The following DPYD variants were observed in gnomAD, a reference collection of about 807,000 sequenced individuals.
The protein encoded by DPYD is dihydropyrimidine dehydrogenase.
Under a neutral mutation model 116.2 loss-of-function variants are expected in DPYD, and 109 were observed. That is an observed-to-expected ratio of 0.94 (90% CI 0.80 to 1.10). The LOEUF (loss-of-function observed/expected upper bound fraction) is 1.10. Among genes scored for constraint, DPYD ranks in the 50% least tolerant of loss-of-function variants. The pLI, the probability that DPYD is intolerant of heterozygous loss-of-function variation, is 0.00. For missense variants in DPYD, 1,302 were observed against 1,254.5 expected (o/e 1.04, Z -0.57); for synonymous variants, 440 against 432.0 (o/e 1.02, Z -0.23).
chr1:97,609,056 T>C (rs1017140931), intron 8 of DPYD, among the ~76,000 whole-genome samples: 1 of 152,040 alleles, frequency 6.6e-6, no homozygotes, highest in African/African-American at 2.4e-5. Context: ...TGTAAAATAA[T>C]GAATTACATT....
chr1:97,546,383 A>T (rs1349237586), intron 12 of DPYD: 66 of 1,463,368 alleles, frequency 4.5e-5, no homozygotes, highest in Admixed American at 1.3e-4. Flanking sequence ...GATGAAGAAG[A>T]AGTTTCAGAT....
intron 5 of DPYD, among the ~76,000 whole-genome samples, chr1:97,717,760 G>C (rs1662693088): frequency 6.6e-6 from 1 of 151,812 alleles, no homozygotes; most frequent in Admixed American, 6.6e-5. Flanking sequence ...CTACATTGCA[G>C]CGAATGCCAT....
chr1:97,550,568 A>G (rs1200913655), intron 11 of DPYD, among the ~76,000 whole-genome samples: 1 of 152,198 alleles, frequency 6.6e-6, no homozygotes, highest in Non-Finnish European at 1.5e-5. Flanking sequence ...AAGAGAAGAA[A>G]TGAAGAAAGG....
chr1:97,743,435 C>T (rs1181275589), intron 3 of DPYD, among the ~76,000 whole-genome samples: 1 of 152,100 alleles, frequency 6.6e-6, no homozygotes, highest in Admixed American at 6.6e-5. Context: ...ATATCAACCA[C>T]TGCACTGGAA....
At chr1:97,489,433 C>T (rs1678845526) in intron 13 of DPYD, among the ~76,000 whole-genome samples, 1 of 152,154 alleles carries the variant, frequency 6.6e-6, no homozygotes, top group African/African-American at 2.4e-5. Flanking sequence ...ATAAAACTGT[C>T]TAGACCTAAA....
Position 97,820,152 on chromosome 1 carries a change from T to G in DPYD, c.233+7962A>C, listed in dbSNP as rs533691480. ...TTATATTTAGCAACAGATGCAATATTAACATAACCCAAATCATAAACAGCT... is the reference window on the plus strand; with the variant it reads ...TTATATTTAGCAACAGATGCAATATGAACATAACCCAAATCATAAACAGCT... On this transcript the variant is annotated intron_variant, in intron 3 of 22. Coordinates refer to ENST00000370192, the MANE Select transcript of DPYD (RefSeq NM_000110.4). Among the ~76,000 whole-genome samples, 3 of 152,218 alleles carry G rather than the reference T, an allele frequency of 2.0e-5. No individual in the cohort carries two copies. The South Asian group carries it at 6.2e-4, about 32-fold the overall frequency.
intron 13 of DPYD, 101 bp from the exon 14 acceptor site, chr1:97,450,324 T>C: frequency 7.6e-7 from 1 of 1,315,060 alleles, no homozygotes; most frequent in South Asian, 1.4e-5. Flanking sequence ...TGAGGTCCCT[T>C]CTCACATTTT....
intron 14 of DPYD, among the ~76,000 whole-genome samples, chr1:97,439,132 T>C (rs1425193669): frequency 6.6e-6 from 1 of 152,130 alleles, no homozygotes; most frequent in Non-Finnish European, 1.5e-5. Context: ...ATTGGGTTTA[T>C]TGAGATAATA....
At chr1:97,506,008 C>T (rs1430160309) in intron 13 of DPYD, among the ~76,000 whole-genome samples, 1 of 151,938 alleles carries the variant, frequency 6.6e-6, no homozygotes, top group East Asian at 1.9e-4. Flanking sequence ...TTAACTAACA[C>T]ACCAGTAACT....
intron 11 of DPYD, among the ~76,000 whole-genome samples, chr1:97,551,181 T>C (rs1437175677): frequency 1.3e-5 from 2 of 152,194 alleles, no homozygotes; most frequent in South Asian, 4.1e-4. Flanking sequence ...TTTCTATTTG[T>C]TTTTTCGTCT....
At chr1:97,697,580 T>C (rs1055382092) in intron 6 of DPYD, among the ~76,000 whole-genome samples, 1 of 152,012 alleles carries the variant, frequency 6.6e-6, no homozygotes, top group Non-Finnish European at 1.5e-5. Flanking sequence ...TATTTCATAT[T>C]GTCTCTACAT....
rs146131080 is a variant in DPYD, at chr1:97,669,423, C to A, written c.850+9672G>T. Among the ~76,000 whole-genome samples the A allele has an allele frequency of 4.5e-3, 678 of 152,010 alleles. 9 individuals carry two copies. Among genetic ancestry groups the A allele is most frequent in the African/African-American group, 0.015 (640 of 41,446 alleles). ...TTAAGAAATAGAAAAGTAATATAACCAAACTAGATTGTATTTGGGAAGGTG... is the reference window on the plus strand; with the variant it reads ...TTAAGAAATAGAAAAGTAATATAACAAAACTAGATTGTATTTGGGAAGGTG... On this transcript the variant is annotated intron_variant, in intron 8 of 22. Transcript: ENST00000370192.
intron 20 of DPYD, among the ~76,000 whole-genome samples, chr1:97,110,817 C>T (rs1651537534): frequency 6.6e-6 from 1 of 152,014 alleles, no homozygotes; most frequent in Admixed American, 6.6e-5. Context: ...TGTTTGTGCT[C>T]ATCTAACTTT....
chr1:97,442,251 C>G (rs1441226419), intron 14 of DPYD, among the ~76,000 whole-genome samples: 1 of 151,756 alleles, frequency 6.6e-6, no homozygotes, highest in Non-Finnish European at 1.5e-5. Flanking sequence ...TCAGTGACCA[C>G]TCTCCTTTAT....
Position 97,921,010 on chromosome 1 carries a change from A to T in DPYD, c.-88T>A, listed in dbSNP as rs531689464. ...CAGAGAGCCAAGTGACAGCAGCCGG[A>T]GCGCGAGTCGAAAACAGGCAGACTA... is the stretch of plus-strand genomic sequence containing the variant. On this transcript the variant is annotated 5_prime_UTR_variant, in exon 1 of 23. Coordinates refer to ENST00000370192, the MANE Select transcript of DPYD (RefSeq NM_000110.4). 6.6e-7 allele frequency: 1 copy of T among 1,518,836 alleles called. No individual in the cohort carries two copies. The highest frequency in any genetic ancestry group is 1.4e-5 in the African/African-American group (1 of 72,172). The allele number at this position is 1,518,836 out of a possible 1,614,324, so 94.1% of individuals were successfully genotyped here.
chr1:97,498,351 T>C (rs2786774), intron 13 of DPYD, among the ~76,000 whole-genome samples: 27,020 of 151,640 alleles, frequency 0.18, 2,554 homozygotes, highest in East Asian at 0.26. Context: ...ATGAAGTTGA[T>C]GGTTAAGAAC....
At chr1:97,911,370 C>G (rs1435706574) in intron 1 of DPYD, among the ~76,000 whole-genome samples, 3 of 152,060 alleles carry the variant, frequency 2.0e-5, no homozygotes, top group Non-Finnish European at 2.9e-5. Context: ...GTTTTTATCT[C>G]TTTCAGAAAA....
intron 18 of DPYD, among the ~76,000 whole-genome samples, chr1:97,267,302 T>G (rs943602210): frequency 6.6e-6 from 1 of 152,320 alleles, no homozygotes; most frequent in African/African-American, 2.4e-5. Flanking sequence ...ATTTTTTTCA[T>G]GTGTCTGTTG....
chr1:97,198,993 T>A (rs1488197295), intron 19 of DPYD, among the ~76,000 whole-genome samples: 1 of 152,140 alleles, frequency 6.6e-6, no homozygotes, highest in East Asian at 1.9e-4. Flanking sequence ...GAATTTTTAC[T>A]TTAGGTGCAG....
Sources: gnomAD v4.1 joint callset for allele counts (sites outside exome capture counted in the v4.1 genomes callset) on GRCh38, gnomAD v4.1.1 for gene constraint, MANE v1.5 for transcripts, NCBI Gene and HGNC (gene_info 2026-07-23, HGNC 2026-07-21) for gene names.